The following BNC2 variants were observed in gnomAD, a reference collection of about 807,000 sequenced individuals.
BNC2 encodes basonuclin zinc finger protein 2.
BNC2 carries 20 observed loss-of-function variants against 76.3 expected under a neutral mutation model. The ratio of observed to expected loss-of-function variants is 0.26; its 90% CI spans 0.18 to 0.38. BNC2 has a LOEUF of 0.38. Ranked by LOEUF, BNC2 falls within the 10% of genes least tolerant of loss-of-function variation. The probability of loss-of-function intolerance (pLI) is 1.00; values close to 1 mark genes in which losing one functional copy is unlikely to be tolerated. For synonymous variants in BNC2, 582 were observed against 514.8 expected (o/e 1.13, Z -1.77); for missense variants, 1,382 against 1,399.8 (o/e 0.99, Z 0.20).
intron 1 of BNC2, among the ~76,000 whole-genome samples, chr9:16,763,566 T>C (rs12001291): frequency 0.031 from 4,696 of 151,196 alleles, 181 homozygotes; most frequent in East Asian, 0.17. Flanking sequence ...CAAGACCCTG[T>C]CTCAAAAAAA....
chr9:16,671,818 G>C (rs906375194), intron 3 of BNC2, among the ~76,000 whole-genome samples: 2 of 152,194 alleles, frequency 1.3e-5, no homozygotes, highest in African/African-American at 4.8e-5. Flanking sequence ...GTTCTGAAAG[G>C]CTTACAGAAA....
intron 3 of BNC2, among the ~76,000 whole-genome samples, chr9:16,622,728 C>T (rs1361051621): frequency 1.3e-5 from 2 of 152,040 alleles, no homozygotes; most frequent in East Asian, 3.9e-4. Flanking sequence ...AGGTGGGTGG[C>T]CAGGCCAGGA....
chr9:16,802,894 C>G (rs1817817235), intron 1 of BNC2, among the ~76,000 whole-genome samples: 1 of 152,204 alleles, frequency 6.6e-6, no homozygotes, highest in African/African-American at 2.4e-5. Flanking sequence ...GGAATAAAGA[C>G]ACGCAACTTT....
At position 16,869,226 on chromosome 9, in the gene BNC2, T is replaced by C. The variant is rs113614076; in HGVS notation, c.3+1420A>G. The stretch of plus-strand genomic sequence containing the variant: ...CAAGTGTCCACGAAGTATATAAAAA[T>C]AAAACAGGCCACTTTTTGCCACTTT... On this transcript the variant is annotated intron_variant, in intron 1 of 6. Coordinates refer to ENST00000380672, the MANE Select transcript of BNC2 (RefSeq NM_017637.6). Among the ~76,000 whole-genome samples, 45 of 77,670 alleles carry C rather than the reference T, an allele frequency of 5.8e-4. No individual in the cohort carries two copies. In the East Asian group the frequency reaches 6.4e-3, roughly 11 times the overall value. The allele number at this position is 77,670 out of a possible 152,430, so 51.0% of individuals were successfully genotyped here. A position where few individuals can be genotyped will look rare whatever the true frequency, so the allele number is the denominator to read the frequency against.
chr9:16,513,169 T>C (rs565201618), intron 5 of BNC2, among the ~76,000 whole-genome samples: 1 of 151,994 alleles, frequency 6.6e-6, no homozygotes, highest in East Asian at 1.9e-4. Context: ...AACATAATAA[T>C]GAAATAAAGT....
At chr9:16,517,121 G>A (rs1243294665) in intron 5 of BNC2, among the ~76,000 whole-genome samples, 3 of 152,164 alleles carry the variant, frequency 2.0e-5, no homozygotes, top group Non-Finnish European at 4.4e-5. Flanking sequence ...TGATGGTGGT[G>A]TCTTTAGATT....
At chr9:16,652,692 C>T (rs373217581) in intron 3 of BNC2, among the ~76,000 whole-genome samples, 7 of 152,232 alleles carry the variant, frequency 4.6e-5, no homozygotes, top group African/African-American at 1.7e-4. Context: ...TATTTTCCTT[C>T]GGGCAAATCT....
intron 1 of BNC2, among the ~76,000 whole-genome samples, chr9:16,769,346 CATT>C (rs928456126): frequency 2.6e-5 from 4 of 152,142 alleles, no homozygotes; most frequent in Non-Finnish European, 4.4e-5. Context: ...ATAACAGAGA[CATT>C]ATCTCATTTA....
chr9:16,625,906 T>C (rs545960111), intron 3 of BNC2: 2 of 152,334 alleles, frequency 1.3e-5, no homozygotes, highest in East Asian at 1.9e-4. Flanking sequence ...AGGTAAGCAC[T>C]TGCAATTACA....
At chr9:16,476,700 G>A (rs1440987263) in intron 5 of BNC2, among the ~76,000 whole-genome samples, 1 of 152,022 alleles carries the variant, frequency 6.6e-6, no homozygotes, top group Non-Finnish European at 1.5e-5. Flanking sequence ...TTGGCACATA[G>A]TAGGCACCCA....
At chr9:16,739,895 G>C (rs10756799) in intron 1 of BNC2, among the ~76,000 whole-genome samples, 2 of 151,630 alleles carry the variant, frequency 1.3e-5, no homozygotes, top group Admixed American at 1.3e-4. Context: ...AGAATATATA[G>C]CAAGTTTAGT....
intron 3 of BNC2, among the ~76,000 whole-genome samples, chr9:16,590,936 C>G (rs1347152189): frequency 6.6e-6 from 1 of 152,154 alleles, no homozygotes. Context: ...AAACTAATGG[C>G]TTGCTAGCAT....
At chr9:16,422,602 G>A (rs1587009058) in intron 6 of BNC2, among the ~76,000 whole-genome samples, 1 of 152,174 alleles carries the variant, frequency 6.6e-6, no homozygotes, top group Non-Finnish European at 1.5e-5. Context: ...AACACTTGAA[G>A]TGGAGATGGG....
chr9:16,709,716 G>C (rs1290819642), intron 3 of BNC2, among the ~76,000 whole-genome samples: 1 of 152,172 alleles, frequency 6.6e-6, no homozygotes, highest in Non-Finnish European at 1.5e-5. Context: ...ACCTGTGGGA[G>C]AGACAGGGAA....
intron 1 of BNC2, among the ~76,000 whole-genome samples, chr9:16,799,013 C>T (rs1448823434): frequency 1.3e-5 from 2 of 152,134 alleles, no homozygotes; most frequent in Non-Finnish European, 2.9e-5. Context: ...CATCAACAAG[C>T]CTGTAGTTTT....
intron 5 of BNC2, among the ~76,000 whole-genome samples, chr9:16,538,613 T>C (rs1185160416): frequency 6.6e-6 from 1 of 152,212 alleles, no homozygotes; most frequent in Non-Finnish European, 1.5e-5. Context: ...GAAATATATC[T>C]TTTGCTGCTT....
rs147332643 is a variant in BNC2, at chr9:16,552,648, A to C, written c.551T>G (p.Val184Gly). ...ACGGTCCAGCAGGATCTTTAGCCGC[A>C]CAGGCACTGCTTGTGTCCCATAGAG... ...LMLYGTQAVPVRLKILLDRLF... is the reference protein window; with the variant it reads ...LMLYGTQAVPGRLKILLDRLF... Residue 184 changes from valine to glycine, a missense_variant, in exon 5 of 7, where the codon GTG becomes GGG. Physicochemically the swap from Val to Gly is moderately radical, Grantham distance 109. Around this residue, in one of 3 missense-constraint regions of BNC2, gnomAD observed 557 missense variants for 540.9 expected, o/e 1.03. Transcript: ENST00000380672. 6.2e-7 allele frequency: 1 copy of C among 1,614,198 alleles called. No individual in the cohort carries two copies.
chr9:16,629,625 G>C (rs987247440), intron 3 of BNC2, among the ~76,000 whole-genome samples: 6 of 152,110 alleles, frequency 3.9e-5, no homozygotes, highest in African/African-American at 1.4e-4. Context: ...GACGAACTCA[G>C]GTTCCACTCC....
intron 1 of BNC2, among the ~76,000 whole-genome samples, chr9:16,757,651 TG>T (rs34867564): frequency 0.81 from 123,001 of 151,788 alleles, 51,279 homozygotes; most frequent in Non-Finnish European, 0.91. Flanking sequence ...GTAATTTTAC[TG>T]TTTCCAACAA....
Sources: gnomAD v4.1 joint callset for allele counts (sites outside exome capture counted in the v4.1 genomes callset) on GRCh38, gnomAD v4.1.1 for gene constraint, gnomAD v4.1.1 regional missense constraint, MANE v1.5 for transcripts, NCBI Gene and HGNC (gene_info 2026-07-23, HGNC 2026-07-21) for gene names.